Variants in FRMD4A observed in about 807,000 individuals in gnomAD.
FRMD4A encodes FERM domain-containing protein 4A.
A neutral mutation model predicts 129.1 loss-of-function variants in FRMD4A; 29 were observed. That is an observed-to-expected ratio of 0.22 (90% CI 0.17 to 0.31). The LOEUF (loss-of-function observed/expected upper bound fraction) is 0.31, where lower values mean the gene tolerates loss of function less well. FRMD4A is among the 10% of genes least tolerant of loss of function. FRMD4A has a pLI of 1.00. For synonymous variants in FRMD4A, 634 were observed against 571.6 expected, an observed-to-expected ratio of 1.11 and a Z score of -1.56; for missense variants, 1,272 against 1,375.8, an observed-to-expected ratio of 0.92 and a Z score of 1.19.
chr10:13,944,630 C>T (rs2095318495), intron 2 of FRMD4A, among the ~76,000 whole-genome samples: 1 of 152,156 alleles, frequency 6.6e-6, no homozygotes, highest in Non-Finnish European at 1.5e-5. Flanking sequence ...TTCAACAGAA[C>T]ATGACAGGTC....
intron 2 of FRMD4A, among the ~76,000 whole-genome samples, chr10:14,099,466 G>A (rs577014761): frequency 2.0e-5 from 3 of 152,306 alleles, no homozygotes; most frequent in South Asian, 4.1e-4. Context: ...GTATGGAGAG[G>A]ACTTATTCCA....
intron 2 of FRMD4A, among the ~76,000 whole-genome samples, chr10:13,920,897 C>T (rs2610814): frequency 0.91 from 138,898 of 152,250 alleles, 63,459 homozygotes; most frequent in Middle Eastern, 0.94. Flanking sequence ...GTAACTAACA[C>T]TGAATCAATT....
At chr10:13,677,256 GAGAA>G in intron 15 of FRMD4A, among the ~76,000 whole-genome samples, 1 of 152,132 alleles carries the variant, frequency 6.6e-6, no homozygotes, top group African/African-American at 2.4e-5. Context: ...GCTTGAAATA[GAGAA>G]TATATCTGTC....
intron 2 of FRMD4A, among the ~76,000 whole-genome samples, chr10:13,993,969 C>T (rs1223271013): frequency 6.6e-6 from 1 of 150,642 alleles, no homozygotes; most frequent in Admixed American, 6.6e-5. Context: ...GAAAATCAAG[C>T]CTGGGGCAGG....
intron 2 of FRMD4A, among the ~76,000 whole-genome samples, chr10:14,323,757 T>C (rs1326221227): frequency 6.6e-6 from 1 of 152,214 alleles, no homozygotes; most frequent in Non-Finnish European, 1.5e-5. Flanking sequence ...GCCAGCCTGA[T>C]TAGTCAGAAA....
At chr10:14,226,356 G>A (rs942177087) in intron 2 of FRMD4A, among the ~76,000 whole-genome samples, 1 of 152,142 alleles carries the variant, frequency 6.6e-6, no homozygotes, top group African/African-American at 2.4e-5. Flanking sequence ...AGATCACGCA[G>A]ACACCCAAAG....
At chr10:13,657,788 G>GTTTTTT (rs10695622) in intron 21 of FRMD4A, among the ~76,000 whole-genome samples, 287 of 143,324 alleles carry the variant, frequency 2.0e-3, no homozygotes, top group South Asian at 0.016. Flanking sequence ...CGATTTCTGG[G>GTTTTTT]TTTTTTTTTT....
At chr10:14,114,603 G>A (rs1044206987) in intron 2 of FRMD4A, among the ~76,000 whole-genome samples, 1 of 152,166 alleles carries the variant, frequency 6.6e-6, no homozygotes, top group Non-Finnish European at 1.5e-5. Flanking sequence ...TGAGGGAGGG[G>A]CGTGGAGGAA....
At chr10:13,782,896 G>T in intron 6 of FRMD4A, 26 bp downstream of exon 6, 1 of 1,023,530 alleles carries the variant, frequency 9.8e-7, no homozygotes, top group Non-Finnish European at 1.6e-6. Context: ...GTTTCAGAGG[G>T]AAATTGAGGG....
At chr10:14,228,559 G>C (rs1412972876) in intron 2 of FRMD4A, among the ~76,000 whole-genome samples, 1 of 152,202 alleles carries the variant, frequency 6.6e-6, no homozygotes, top group Non-Finnish European at 1.5e-5. Context: ...AAGTTTATTT[G>C]AGAAAATCTT....
chr10:14,229,318 A>C (rs1843557900), intron 2 of FRMD4A, among the ~76,000 whole-genome samples: 2 of 152,190 alleles, frequency 1.3e-5, no homozygotes, highest in South Asian at 4.1e-4. Flanking sequence ...ATTTAAAACC[A>C]AGTTGGTTGC....
At chr10:13,763,669 C>T (rs1302267389) in intron 6 of FRMD4A, among the ~76,000 whole-genome samples, 1 of 152,134 alleles carries the variant, frequency 6.6e-6, no homozygotes, top group African/African-American at 2.4e-5. Context: ...TTCCTTTTCT[C>T]TCTCTCTCTT....
At chr10:14,188,065 G>A (rs568590219) in intron 2 of FRMD4A, among the ~76,000 whole-genome samples, 4 of 152,076 alleles carry the variant, frequency 2.6e-5, no homozygotes, top group Non-Finnish European at 5.9e-5. Context: ...TCCCCCAAAG[G>A]AGCTCCTTCC....
At chr10:14,185,655 GTTA>G (rs1842100484) in intron 2 of FRMD4A, among the ~76,000 whole-genome samples, 1 of 152,182 alleles carries the variant, frequency 6.6e-6, no homozygotes, top group Non-Finnish European at 1.5e-5. Flanking sequence ...AGGGGCGGTT[GTTA>G]GCTGTGCAGA....
chr10:14,222,919 C>G (rs1337260663), intron 2 of FRMD4A, among the ~76,000 whole-genome samples: 1 of 152,240 alleles, frequency 6.6e-6, no homozygotes, highest in East Asian at 1.9e-4. Flanking sequence ...GAAACCCTAT[C>G]TTTACTAAAA....
At chr10:13,755,372 GAA>G (rs1454950713) in intron 8 of FRMD4A, among the ~76,000 whole-genome samples, 2 of 152,112 alleles carry the variant, frequency 1.3e-5, no homozygotes, top group African/African-American at 4.8e-5. Flanking sequence ...TTCAAAGAAA[GAA>G]AGAGAAAACC....
intron 2 of FRMD4A, among the ~76,000 whole-genome samples, chr10:14,080,524 A>T (rs994366373): frequency 6.6e-6 from 1 of 152,026 alleles, no homozygotes; most frequent in Admixed American, 6.5e-5. Flanking sequence ...TCCTCAGGCC[A>T]TGTGAGTGCT....
intron 24 of FRMD4A, among the ~76,000 whole-genome samples, chr10:13,649,992 C>A (rs11258497): frequency 0.11 from 17,215 of 152,204 alleles, 2,767 homozygotes; most frequent in African/African-American, 0.36. Flanking sequence ...TGGGTCACAG[C>A]AAGTGGTGAC....
intron 14 of FRMD4A, among the ~76,000 whole-genome samples, chr10:13,696,757 A>C (rs1378212693): frequency 2.6e-5 from 4 of 152,140 alleles, no homozygotes; most frequent in Admixed American, 2.0e-4. Context: ...CTAAAAAAAA[A>C]GACCTGAATT....
Sources: gnomAD v4.1 joint callset for allele counts (sites outside exome capture counted in the v4.1 genomes callset) on GRCh38, gnomAD v4.1.1 for gene constraint, MANE v1.5 for transcripts, NCBI Gene and HGNC (gene_info 2026-07-23, HGNC 2026-07-21) for gene names.